Variants in SLC36A1 observed in about 807,000 individuals in gnomAD.
The protein encoded by SLC36A1 is solute carrier family 36 member 1.
Under a neutral mutation model 47.5 loss-of-function variants are expected in SLC36A1, and 30 were observed. The observed-to-expected ratio is 0.63, with a 90% CI of 0.47 to 0.86. SLC36A1 has a LOEUF of 0.86. Among genes scored for constraint, SLC36A1 ranks in the 40% least tolerant of loss-of-function variants. The pLI, the probability that SLC36A1 is intolerant of heterozygous loss-of-function variation, is 0.00. For missense variants in SLC36A1, 517 were observed against 606.0 expected, an observed-to-expected ratio of 0.85 and a Z score of 1.54; for synonymous variants, 255 against 249.7, an observed-to-expected ratio of 1.02 and a Z score of -0.20.
At chr5:151,543,522 G>T in the SLC36A1 span, 11 of 1,614,194 alleles carry the variant, frequency 6.8e-6, no homozygotes, top group African/African-American at 1.5e-4. Context: ...TGGCAATCTG[G>T]CCATTGGGGT....
chr5:151,542,518 G>A, the SLC36A1 span: 1 of 1,614,196 alleles, frequency 6.2e-7, no homozygotes, highest in Admixed American at 1.7e-5. Flanking sequence ...AAAATGATAA[G>A]TCTGGCAGGT....
At chr5:151,494,188 G>A (rs1229237695), downstream of SLC36A1, among the ~76,000 whole-genome samples, 2 of 152,160 alleles carry the variant, frequency 1.3e-5, no homozygotes, top group Non-Finnish European at 2.9e-5. Flanking sequence ...TCTTTGCTAT[G>A]TAGGTTGCCT....
At chr5:151,403,140 T>A in the SLC36A1 span, among the ~76,000 whole-genome samples, 2 of 152,222 alleles carry the variant, frequency 1.3e-5, no homozygotes, top group African/African-American at 4.8e-5. Flanking sequence ...GGTGTAGGCA[T>A]TTAGTGCTAA....
the SLC36A1 span, chr5:151,509,697 G>T: frequency 4.2e-6 from 1 of 239,198 alleles, no homozygotes; most frequent in Non-Finnish European, 8.2e-6. Flanking sequence ...CTGATTCTAC[G>T]TTATGGTGAG....
At chr5:151,357,382 G>T in the SLC36A1 span, among the ~76,000 whole-genome samples, 7 of 152,200 alleles carry the variant, frequency 4.6e-5, no homozygotes, top group African/African-American at 1.7e-4. Context: ...TGGTTCTTCT[G>T]TCAAGGGAGA....
chr5:151,505,955 A>G, the SLC36A1 span: 2 of 1,576,500 alleles, frequency 1.3e-6, no homozygotes, highest in East Asian at 4.5e-5. Flanking sequence ...CATAGAGGCC[A>G]TTAGGCTCTG....
At chr5:151,532,024 G>GC in the SLC36A1 span, 1 of 1,587,482 alleles carries the variant, frequency 6.3e-7, no homozygotes, top group Non-Finnish European at 8.6e-7. Flanking sequence ...CTCTGGACCT[G>GC]CCTGCAGCAA....
At chr5:151,410,054 T>G in the SLC36A1 span, among the ~76,000 whole-genome samples, 1 of 152,228 alleles carries the variant, frequency 6.6e-6, no homozygotes, top group South Asian at 2.1e-4. Flanking sequence ...GAGATAGGTA[T>G]TAGCATTGTC....
the SLC36A1 span, among the ~76,000 whole-genome samples, chr5:151,387,941 C>G: frequency 6.6e-6 from 1 of 152,230 alleles, no homozygotes; most frequent in South Asian, 2.1e-4. Flanking sequence ...GGACCTGACA[C>G]TGGCATGACA....
At chr5:151,514,837 C>T in the SLC36A1 span, among the ~76,000 whole-genome samples, 5 of 152,222 alleles carry the variant, frequency 3.3e-5, no homozygotes, top group African/African-American at 1.2e-4. Flanking sequence ...ACCTCCTCAC[C>T]TCCTCAAGGG....
the SLC36A1 span, chr5:151,525,685 T>G: frequency 2.0e-6 from 3 of 1,499,018 alleles, no homozygotes; most frequent in East Asian, 4.5e-5. Context: ...ATTTTTTCCC[T>G]AATGACAGAA....
the SLC36A1 span, among the ~76,000 whole-genome samples, chr5:151,508,829 G>T: frequency 1.3e-5 from 2 of 152,114 alleles, no homozygotes; most frequent in African/African-American, 2.4e-5. Flanking sequence ...TACATCACTG[G>T]CTCTTATACA....
chr5:151,376,029 T>C, the SLC36A1 span, among the ~76,000 whole-genome samples: 2 of 152,172 alleles, frequency 1.3e-5, no homozygotes, highest in Admixed American at 1.3e-4. Flanking sequence ...TCCAGTACCA[T>C]GTTGAATAGG....
chr5:151,383,570 AATTT>A, the SLC36A1 span, among the ~76,000 whole-genome samples: 1 of 137,110 alleles, frequency 7.3e-6, no homozygotes. Flanking sequence ...TTTTAACTTA[AATTT>A]TTTTTTTTTT....
chr5:151,377,569 G>C, the SLC36A1 span, among the ~76,000 whole-genome samples: 2 of 151,326 alleles, frequency 1.3e-5, no homozygotes, highest in African/African-American at 4.9e-5. Context: ...GGATGGTCTC[G>C]ATCTCCTGAC....
the SLC36A1 span, among the ~76,000 whole-genome samples, chr5:151,345,835 A>AC: frequency 6.6e-6 from 1 of 152,292 alleles, no homozygotes; most frequent in South Asian, 2.1e-4. Context: ...CTTTTTGGTC[A>AC]CCTTGGACTG....
the SLC36A1 span, chr5:151,517,633 G>A: frequency 6.2e-7 from 1 of 1,614,132 alleles, no homozygotes; most frequent in Non-Finnish European, 8.5e-7. Flanking sequence ...CAGGGAGACG[G>A]ACGCTGTTTC....
chr5:151,543,200 C>A, the SLC36A1 span: 4 of 1,614,098 alleles, frequency 2.5e-6, no homozygotes, highest in Non-Finnish European at 3.4e-6. Flanking sequence ...TTCACCTTGA[C>A]CACACCAGTG....
chr5:151,417,612 G>A, the SLC36A1 span, among the ~76,000 whole-genome samples: 1,469 of 152,306 alleles, frequency 9.6e-3, 18 homozygotes, highest in African/African-American at 0.034. Context: ...AAGCACTCAA[G>A]AGGTAACTAG....
Sources: allele counts gnomAD v4.1 joint callset (sites outside exome capture counted in the v4.1 genomes callset), GRCh38; gene constraint gnomAD v4.1.1; transcripts MANE v1.5; gene names NCBI Gene and HGNC (gene_info 2026-07-23, HGNC 2026-07-21).